Variants in CRLF3 observed in about 807,000 individuals in gnomAD.
CRLF3 encodes cytokine receptor like factor 3.
Under a neutral mutation model 55.0 loss-of-function variants are expected in CRLF3, and 33 were observed. The ratio of observed to expected loss-of-function variants is 0.60; its 90% CI spans 0.46 to 0.80. The LOEUF is 0.80. CRLF3 is among the 30% of genes least tolerant of loss of function. The pLI is 0.00. For missense variants in CRLF3, 494 were observed against 538.4 expected, an observed-to-expected ratio of 0.92 and a Z score of 0.82; for synonymous variants, 238 against 196.8, an observed-to-expected ratio of 1.21 and a Z score of -1.75.
At chr17:30,804,198 T>C in intron 1 of CRLF3, 90 bp from the exon 2 acceptor site, 1 of 827,450 alleles carries the variant, frequency 1.2e-6, no homozygotes, top group Non-Finnish European at 1.9e-6. Flanking sequence ...AAGCACTGTA[T>C]AACCATCTTC....
intron 1 of CRLF3, among the ~76,000 whole-genome samples, chr17:30,813,473 G>C (rs565428892): frequency 1.4e-4 from 22 of 152,312 alleles, no homozygotes; most frequent in South Asian, 1.2e-3. Context: ...ATGGGAAAGA[G>C]AGTAGGAGAC....
chr17:30,784,807 G>A (rs1009460073), intron 7 of CRLF3: 5 of 199,280 alleles, frequency 2.5e-5, no homozygotes, highest in African/African-American at 9.9e-5. Context: ...TGCCCAGGCT[G>A]GAGTGCAGTG....
At chr17:30,793,213 A>C (rs1011056346) in intron 5 of CRLF3, among the ~76,000 whole-genome samples, 18 of 151,796 alleles carry the variant, frequency 1.2e-4, no homozygotes, top group Admixed American at 8.5e-4. Context: ...TAATATTTTC[A>C]ATCTTTGGTT....
chr17:30,793,548 A>G lies in CRLF3; in HGVS notation c.728T>C (p.Val243Ala). ...EFIVLHIDPN[V>A]DYQFRVCARG... ...GGCGCAGACTCTGAACTGGTAATCA[A>G]CGTTGGGGTCTATGTGCAATACTAT... Residue 243 changes from valine to alanine, a missense_variant, in exon 5 of 8, where the codon GTT becomes GCT. Transcript: ENST00000324238. The G allele has an allele frequency of 1.2e-6, 2 of 1,614,138 alleles. No homozygotes were observed. Among genetic ancestry groups the G allele is most frequent in the Non-Finnish European group, 8.5e-7 (1 of 1,180,006 alleles).
chr17:30,809,655 G>C (rs974850502), intron 1 of CRLF3: 5 of 152,070 alleles, frequency 3.3e-5, no homozygotes, highest in Non-Finnish European at 7.4e-5. Context: ...GTACTTACAG[G>C]ACACTTTTTT....
chr17:30,796,892 T>C (rs933970503), intron 3 of CRLF3, among the ~76,000 whole-genome samples: 2 of 151,892 alleles, frequency 1.3e-5, no homozygotes, highest in African/African-American at 4.8e-5. Flanking sequence ...GCCCGGATAA[T>C]TTTTTATTTT....
chr17:30,786,488 C>A (rs773326328), intron 6 of CRLF3: 4 of 152,958 alleles, frequency 2.6e-5, no homozygotes, highest in African/African-American at 9.7e-5. Context: ...CCACCCACCT[C>A]GGCCTCCCAA....
At chr17:30,796,096 T>G in intron 4 of CRLF3, 64 bp downstream of exon 4, 2 of 1,211,482 alleles carry the variant, frequency 1.7e-6, no homozygotes, top group Non-Finnish European at 2.2e-6. Flanking sequence ...CGAAAAAATC[T>G]GAAAGGCCTC....
Position 30,783,282 on chromosome 17 carries a change from A to G in CRLF3, c.*905T>C, listed in dbSNP as rs1053200418. ...AAATTGCAATGAAAGAACAAAAGGT[A>G]CTACTTGCCTATTTTAGACACTTGG... On this transcript the variant is annotated 3_prime_UTR_variant, in exon 8 of 8. Transcript: ENST00000324238. 12 of 152,346 alleles carry G rather than the reference A, an allele frequency of 7.9e-5. No homozygotes were observed. The highest frequency in any genetic ancestry group is 2.9e-4 in the African/African-American group (12 of 41,566). 9.4% of individuals were successfully genotyped at this position (152,346 alleles called of 1,614,324 possible).
At position 30,793,469 on chromosome 17, in the gene CRLF3, A is replaced by G; in HGVS notation, c.807T>C (p.His269=). ...GCATACCATGAGGCACCAATGTGGA[A>G]TGACCTATCTGGGGGACACTCCAAG... is the stretch of plus-strand genomic sequence containing the variant. ...WSPWSVPQIG[H]STLVPHEWTA... Residue 269 remains histidine, a synonymous_variant, in exon 5 of 8, where the codon CAT becomes CAC. Coordinates refer to ENST00000324238, the MANE Select transcript of CRLF3 (RefSeq NM_015986.4). The G allele has an allele frequency of 1.9e-6, 3 of 1,614,014 alleles. No homozygotes were observed. The highest frequency in any genetic ancestry group is 2.5e-6 in the Non-Finnish European group (3 of 1,179,894).
At chr17:30,794,080 C>T (rs1034720384) in intron 4 of CRLF3, among the ~76,000 whole-genome samples, 17 of 152,148 alleles carry the variant, frequency 1.1e-4, no homozygotes, top group African/African-American at 3.9e-4. Flanking sequence ...GCAATCTTCT[C>T]GTCTCAGCCT....
chr17:30,789,050 C>G (rs1971721331), intron 6 of CRLF3, among the ~76,000 whole-genome samples: 1 of 152,310 alleles, frequency 6.6e-6, no homozygotes, highest in African/African-American at 2.4e-5. Flanking sequence ...CCCTTGCATT[C>G]ACATCTCTGG....
At chr17:30,812,587 T>C (rs921678644) in intron 1 of CRLF3, among the ~76,000 whole-genome samples, 2 of 152,190 alleles carry the variant, frequency 1.3e-5, no homozygotes, top group African/African-American at 4.8e-5. Context: ...ACGTATATTA[T>C]ATGATTTGGT....
chr17:30,798,122 G>A (rs1349046639), intron 2 of CRLF3, among the ~76,000 whole-genome samples: 1 of 152,148 alleles, frequency 6.6e-6, no homozygotes, highest in Non-Finnish European at 1.5e-5. Context: ...GCTCACGCCT[G>A]TAATCCCAGC....
At chr17:30,824,183 C>T (rs779763649) in intron 1 of CRLF3, among the ~76,000 whole-genome samples, 26 of 151,796 alleles carry the variant, frequency 1.7e-4, no homozygotes, top group Admixed American at 1.3e-4. Context: ...TTTTACCAGT[C>T]TCCTCCTCCC....
chr17:30,816,022 A>G (rs11655138), intron 1 of CRLF3, among the ~76,000 whole-genome samples: 34,750 of 148,984 alleles, frequency 0.23, 6,038 homozygotes, highest in African/African-American at 0.49. Flanking sequence ...GGTGGCTCAC[A>G]CCTGTAATCC....
At chr17:30,797,879 A>G (rs563498444) in intron 2 of CRLF3, among the ~76,000 whole-genome samples, 2 of 151,004 alleles carry the variant, frequency 1.3e-5, no homozygotes, top group South Asian at 2.1e-4. Context: ...GGTTCAAGCA[A>G]TCCTCCCATC....
chr17:30,824,639 T>C lies in CRLF3; in HGVS notation c.13A>G (p.Met5Val). The C allele has an allele frequency of 1.9e-6, 3 of 1,597,138 alleles. No homozygotes were observed. Among genetic ancestry groups the C allele is most frequent in the Non-Finnish European group, 2.6e-6 (3 of 1,176,222 alleles). ...AACAGCAGCTCAGGCTCCAGCTCCATCGCCCCCCTCATCTGGCCGCGCGGC... is the reference window on the plus strand; with the variant it reads ...AACAGCAGCTCAGGCTCCAGCTCCACCGCCCCCCTCATCTGGCCGCGCGGC... MRGAMELEPELLLQE... is the reference protein window; with the variant it reads MRGAVELEPELLLQE... The change falls in exon 1 of 8, where the codon ATG becomes GTG. Residue 5 changes from methionine to valine, a missense_variant. Transcript: ENST00000324238.
chr17:30,806,509 G>A (rs1056106600), intron 1 of CRLF3, among the ~76,000 whole-genome samples: 4 of 152,136 alleles, frequency 2.6e-5, no homozygotes, highest in Admixed American at 2.0e-4. Flanking sequence ...AAGCACACCT[G>A]TGATTCTGTA....
Sources: gnomAD v4.1 joint callset for allele counts (sites outside exome capture counted in the v4.1 genomes callset) on GRCh38, gnomAD v4.1.1 for gene constraint, MANE v1.5 for transcripts, NCBI Gene and HGNC (gene_info 2026-07-23, HGNC 2026-07-21) for gene names.